The following GALNT13 variants were observed in gnomAD, a reference collection of about 807,000 sequenced individuals.
GALNT13 encodes the protein UDP-GalNAc:polypeptide N-acetylgalactosaminyltransferase 13.
Under a neutral mutation model 64.2 loss-of-function variants are expected in GALNT13, and 28 were observed. That is an observed-to-expected ratio of 0.44 (90% confidence interval 0.32 to 0.60). GALNT13 has a LOEUF of 0.60. Among genes scored for constraint, GALNT13 ranks in the 20% least tolerant of loss-of-function variants. GALNT13 has a pLI of 0.05. For synonymous variants in GALNT13, 214 were observed against 224.6 expected, an observed-to-expected ratio of 0.95 and a Z score of 0.42; for missense variants, 577 against 669.8, an observed-to-expected ratio of 0.86 and a Z score of 1.53.
At chr2:154,152,274 C>T (rs1360576724) in intron 4 of GALNT13, among the ~76,000 whole-genome samples, 2 of 152,128 alleles carry the variant, frequency 1.3e-5, no homozygotes, top group Admixed American at 6.5e-5. Flanking sequence ...TCTCTTCTGG[C>T]TTGTAGAGTT....
At chr2:153,210,062 A>T in the GALNT13 span, among the ~76,000 whole-genome samples, 1 of 152,068 alleles carries the variant, frequency 6.6e-6, no homozygotes, top group Non-Finnish European at 1.5e-5. Flanking sequence ...TACTAAACTC[A>T]CTGGTAGCTT....
the GALNT13 span, among the ~76,000 whole-genome samples, chr2:153,277,446 AG>A: frequency 6.6e-6 from 1 of 152,206 alleles, no homozygotes; most frequent in Non-Finnish European, 1.5e-5. Context: ...TTATTTACCC[AG>A]TGCACCATTG....
At chr2:154,407,876 A>G (rs1384134772) in intron 10 of GALNT13, among the ~76,000 whole-genome samples, 2 of 152,092 alleles carry the variant, frequency 1.3e-5, no homozygotes, top group African/African-American at 4.8e-5. Flanking sequence ...GTACTTGGCC[A>G]TGAGGTTCTG....
chr2:153,256,822 G>T, the GALNT13 span, among the ~76,000 whole-genome samples: 1 of 152,218 alleles, frequency 6.6e-6, no homozygotes, highest in African/African-American at 2.4e-5. Context: ...CAGATCTCCA[G>T]CTGTGTGCTG....
chr2:154,007,946 A>G (rs981913630), intron 3 of GALNT13, among the ~76,000 whole-genome samples: 6 of 149,102 alleles, frequency 4.0e-5, no homozygotes, highest in African/African-American at 1.2e-4. Context: ...AGAACCCTTC[A>G]TATTTCCACT....
At chr2:153,997,194 TA>T (rs1259459676) in intron 3 of GALNT13, among the ~76,000 whole-genome samples, 1 of 152,194 alleles carries the variant, frequency 6.6e-6, no homozygotes, top group Non-Finnish European at 1.5e-5. Flanking sequence ...TTGCTTTTTC[TA>T]TTTTTTGAAT....
chr2:153,889,030 T>C (rs1486145956), intron 1 of GALNT13, among the ~76,000 whole-genome samples: 1 of 152,026 alleles, frequency 6.6e-6, no homozygotes, highest in Admixed American at 6.6e-5. Context: ...AAAGATACAC[T>C]GTTTCCTAGC....
intron 12 of GALNT13, among the ~76,000 whole-genome samples, chr2:154,449,258 C>T (rs978476409): frequency 1.3e-5 from 2 of 151,464 alleles, no homozygotes; most frequent in African/African-American, 2.4e-5. Flanking sequence ...AGGCCTCTTC[C>T]GCCACAAACC....
chr2:154,254,186 A>C (rs1230275602), intron 7 of GALNT13, among the ~76,000 whole-genome samples: 1 of 152,226 alleles, frequency 6.6e-6, no homozygotes, highest in Non-Finnish European at 1.5e-5. Context: ...CAAATATACC[A>C]AGGCACAAAA....
intron 4 of GALNT13, among the ~76,000 whole-genome samples, chr2:154,193,271 T>G (rs745696902): frequency 5.3e-5 from 8 of 152,242 alleles, no homozygotes; most frequent in Non-Finnish European, 1.0e-4. Flanking sequence ...CACTTCAACT[T>G]TATCTGGCAA....
At chr2:154,429,692 T>C (rs1700626529) in intron 11 of GALNT13, among the ~76,000 whole-genome samples, 1 of 152,200 alleles carries the variant, frequency 6.6e-6, no homozygotes, top group Non-Finnish European at 1.5e-5. Flanking sequence ...CAGCACCCAA[T>C]TGGAAGAAGA....
intron 2 of GALNT13, among the ~76,000 whole-genome samples, chr2:153,904,211 A>G (rs1464425117): frequency 2.0e-5 from 3 of 151,902 alleles, no homozygotes; most frequent in African/African-American, 7.2e-5. Context: ...CAGAATATTT[A>G]TTCATTGTAT....
chr2:153,487,673 G>A, the GALNT13 span, among the ~76,000 whole-genome samples: 1 of 152,218 alleles, frequency 6.6e-6, no homozygotes, highest in Non-Finnish European at 1.5e-5. Flanking sequence ...TGATACATGA[G>A]CTGAGTCATG....
At chr2:153,789,107 A>G in the GALNT13 span, among the ~76,000 whole-genome samples, 1 of 152,176 alleles carries the variant, frequency 6.6e-6, no homozygotes, top group Non-Finnish European at 1.5e-5. Flanking sequence ...GATATGATAG[A>G]TGTGTACAGA....
At chr2:153,345,635 T>TTTC in the GALNT13 span, among the ~76,000 whole-genome samples, 214 of 68,870 alleles carry the variant, frequency 3.1e-3, 2 homozygotes, top group South Asian at 8.5e-3. Flanking sequence ...TTTCCTTTCT[T>TTTC]TTTCTTTCTT....
At chr2:153,597,004 T>A in the GALNT13 span, among the ~76,000 whole-genome samples, 1 of 151,878 alleles carries the variant, frequency 6.6e-6, no homozygotes, top group Non-Finnish European at 1.5e-5. Flanking sequence ...AACAGAAAAA[T>A]GAGAAAAATA....
chr2:153,309,346 C>A, the GALNT13 span, among the ~76,000 whole-genome samples: 1 of 152,112 alleles, frequency 6.6e-6, no homozygotes, highest in East Asian at 1.9e-4. Flanking sequence ...CCAGAATTAC[C>A]TTTCTATAAC....
At chr2:153,815,778 C>T in the GALNT13 span, among the ~76,000 whole-genome samples, 12 of 152,092 alleles carry the variant, frequency 7.9e-5, no homozygotes, top group African/African-American at 1.2e-4. Context: ...GTTTCTCTTA[C>T]AGGTCTCAAT....
At chr2:153,838,178 A>G in the GALNT13 span, among the ~76,000 whole-genome samples, 1 of 151,958 alleles carries the variant, frequency 6.6e-6, no homozygotes, top group African/African-American at 2.4e-5. Flanking sequence ...GTTTGCAAAT[A>G]TTTTGTCCCA....
Sources: allele counts gnomAD v4.1 joint callset (sites outside exome capture counted in the v4.1 genomes callset), GRCh38; gene constraint gnomAD v4.1.1; transcripts MANE v1.5; gene names NCBI Gene and HGNC (gene_info 2026-07-23, HGNC 2026-07-21).